ZNF366: variants seen among roughly 807,000 people sequenced by gnomAD.
ZNF366 encodes dendritic cell-specific transcript protein.
ZNF366 carries 20 observed loss-of-function variants against 47.2 expected under a neutral mutation model. The ratio of observed to expected loss-of-function variants is 0.42; its 90% CI spans 0.30 to 0.62. The LOEUF is 0.62. Among genes scored for constraint, ZNF366 ranks in the 20% least tolerant of loss-of-function variants. The pLI is 0.16. For synonymous variants in ZNF366, 421 were observed against 395.1 expected (o/e 1.07, Z -0.78); for missense variants, 987 against 976.3 (o/e 1.01, Z -0.15).
chr5:72,461,363 G>T lies in ZNF366; in HGVS notation c.134C>A (p.Pro45Gln), dbSNP rs748677968. Residue 45 changes from proline (P) to glutamine (Q), a missense_variant, in exon 2 of 5, where the codon CCG (proline) becomes CAG (glutamine). Physicochemically the swap from Pro to Gln is moderately conservative, Grantham distance 76. Transcript: ENST00000318442. ...RGKAPQRHPF[P>Q]EALRGPFSQF... ...GGAAAATGGCCCTCGGAGAGCTTCC[G>T]GGAAGGGGTGTCTTTGGGGAGCCTT... The T allele has an allele frequency of 6.2e-7, 1 of 1,614,010 alleles. No homozygotes were observed. Among genetic ancestry groups the T allele is most frequent in the Non-Finnish European group, 8.5e-7 (1 of 1,179,968 alleles).
Position 72,443,165 on chromosome 5 carries a change from G to A in ZNF366, c.*591C>T, listed in dbSNP as rs1266691603. ...AGAATCTAAGTATTCTAGGTCACCA[G>A]TTTCCCTTAGTCAAAATTATTCTTC... On this transcript the variant is annotated 3_prime_UTR_variant, in exon 5 of 5. Coordinates refer to ENST00000318442, the MANE Select transcript of ZNF366 (RefSeq NM_152625.3). The A allele has an allele frequency of 6.6e-6, 1 of 152,292 alleles. No individual in the cohort carries two copies. Among genetic ancestry groups the A allele is most frequent in the Non-Finnish European group, 1.5e-5 (1 of 68,124 alleles). The allele number at this position is 152,292 out of a possible 1,614,324, so 9.4% of individuals were successfully genotyped here.
intron 1 of ZNF366, among the ~76,000 whole-genome samples, chr5:72,496,246 G>A (rs955952524): frequency 6.6e-6 from 1 of 152,132 alleles, no homozygotes; most frequent in Non-Finnish European, 1.5e-5. Flanking sequence ...CATCACTCCA[G>A]TAAGTTCCAT....
chr5:72,484,233 C>CT (rs1743843297), intron 1 of ZNF366, among the ~76,000 whole-genome samples: 1 of 151,966 alleles, frequency 6.6e-6, no homozygotes, highest in African/African-American at 2.4e-5. Context: ...GCCTGTAATC[C>CT]CAGCACTTTG....
In ZNF366 at chr5:72,460,926, G is replaced by A. The variant is rs758393946; in HGVS notation, c.571C>T (p.Pro191Ser). Residue 191 changes from proline (P) to serine (S), a missense_variant, in exon 2 of 5, where the codon CCC (proline) becomes TCC (serine). Transcript: ENST00000318442. ...HPGLMFPFFV[P>S]SSSPFPFSRH... ...CTGAAGGGGAAGGGCGAGGACGAGG[G>A]CACGAAGAAGGGGAACATGAGGCCC... 1.2e-6 allele frequency: 2 copies of A among 1,611,788 alleles called. No homozygotes were observed. The highest frequency in any genetic ancestry group is 1.7e-5 in the Admixed American group (1 of 59,960).
chr5:72,477,135 C>A (rs975740956), intron 1 of ZNF366, among the ~76,000 whole-genome samples: 4 of 152,148 alleles, frequency 2.6e-5, no homozygotes, highest in African/African-American at 2.4e-5. Flanking sequence ...AAATTTCTAA[C>A]AACAAACAAC....
intron 1 of ZNF366, among the ~76,000 whole-genome samples, chr5:72,504,342 A>T (rs1017679564): frequency 6.6e-6 from 1 of 152,216 alleles, no homozygotes; most frequent in African/African-American, 2.4e-5. Flanking sequence ...CACCAATAAC[A>T]CAGAGCTCAA....
rs1040458586 is a variant in ZNF366, at chr5:72,473,391, C to T, written c.-14-11881G>A. ...GTATTCAGAGTTCTGTGGCTTGCAG[C>T]GAAACACAATCCTTATCTGATATAT... On this transcript the variant is annotated intron_variant, in intron 1 of 4. Coordinates refer to ENST00000318442, the MANE Select transcript of ZNF366 (RefSeq NM_152625.3). Among the ~76,000 whole-genome samples the T allele has an allele frequency of 3.3e-5, 5 of 152,244 alleles. No homozygotes were observed. In the East Asian group the frequency reaches 9.7e-4, roughly 29 times the overall value.
chr5:72,454,132 C>A (rs182717352), intron 3 of ZNF366, among the ~76,000 whole-genome samples: 4 of 152,334 alleles, frequency 2.6e-5, no homozygotes, highest in East Asian at 3.9e-4. Flanking sequence ...GTGGACCAGA[C>A]ATGGAGCCTC....
intron 1 of ZNF366, among the ~76,000 whole-genome samples, chr5:72,494,995 AT>A (rs1340761143): frequency 6.6e-6 from 1 of 151,948 alleles, no homozygotes; most frequent in Non-Finnish European, 1.5e-5. Context: ...TTGCCTTCAC[AT>A]TTTCAGGAGG....
In ZNF366 at chr5:72,460,910, A is replaced by G. The variant is rs1457318987; in HGVS notation, c.587T>C (p.Phe196Ser). 6.2e-7 allele frequency: 1 copy of G among 1,612,386 alleles called. No individual in the cohort carries two copies. The highest frequency in any genetic ancestry group is 1.7e-5 in the Admixed American group (1 of 59,958). The change falls in exon 2 of 5, where the codon TTC becomes TCC. Residue 196 changes from phenylalanine (F) to serine (S), a missense_variant. Phe to Ser is a radical substitution (Grantham distance 155). Coordinates refer to ENST00000318442, the MANE Select transcript of ZNF366 (RefSeq NM_152625.3). ...FPFFVPSSSP[F>S]PFSRHTFLPK... ...CAGGAAGGTGTGCCGGCTGAAGGGG[A>G]AGGGCGAGGACGAGGGCACGAAGAA...
intron 3 of ZNF366, among the ~76,000 whole-genome samples, chr5:72,452,065 G>A (rs1353614436): frequency 1.3e-5 from 2 of 152,196 alleles, no homozygotes; most frequent in African/African-American, 2.4e-5. Context: ...ACACCGCCTC[G>A]CCCCAGCCAG....
At chr5:72,471,204 C>T (rs993153630) in intron 1 of ZNF366, among the ~76,000 whole-genome samples, 2 of 152,150 alleles carry the variant, frequency 1.3e-5, no homozygotes, top group African/African-American at 4.8e-5. Context: ...GGTCTGTGAC[C>T]CCACTGTTCA....
At chr5:72,454,747 C>A (rs1743146204) in intron 3 of ZNF366, among the ~76,000 whole-genome samples, 1 of 152,190 alleles carries the variant, frequency 6.6e-6, no homozygotes, top group South Asian at 2.1e-4. Context: ...CTTGAACCTC[C>A]ATTGTAGGAG....
chr5:72,506,681 T>C (rs902381765), intron 1 of ZNF366, among the ~76,000 whole-genome samples: 2 of 152,152 alleles, frequency 1.3e-5, no homozygotes, highest in African/African-American at 4.8e-5. Context: ...CCTGAACACA[T>C]AAGCTCCCCA....
At chr5:72,507,184 A>G (rs1744335533) in intron 1 of ZNF366, 67 bp downstream of exon 1, 1 of 980,144 alleles carries the variant, frequency 1.0e-6, no homozygotes, top group Non-Finnish European at 1.2e-6. Context: ...TCTGTTGAAG[A>G]TGCCCACAGC....
intron 1 of ZNF366, 74 bp downstream of exon 1, chr5:72,507,177 G>C: frequency 3.1e-6 from 3 of 973,994 alleles, no homozygotes; most frequent in Non-Finnish European, 2.4e-6. Flanking sequence ...GGTATTTTCT[G>C]TTGAAGATGC....
rs1383524357 is a variant in ZNF366, at chr5:72,460,300, G to A, written c.1197C>T (p.Asp399=). Residue 399 remains aspartate (D), a synonymous_variant, in exon 2 of 5, where the codon GAC becomes GAT. Coordinates refer to ENST00000318442, the MANE Select transcript of ZNF366 (RefSeq NM_152625.3). ...GPIQYNCSEC[D]KTFQYPSQLQ... is the part of the protein sequence containing the mutation. ...GCTGGCTCGGGTACTGGAAGGTCTT[G>A]TCGCACTCGGAGCAGTTGTACTGGA... is the stretch of plus-strand genomic sequence containing the variant. The A allele has an allele frequency of 6.2e-7, 1 of 1,614,120 alleles. No individual in the cohort carries two copies. Among genetic ancestry groups the A allele is most frequent in the East Asian group, 2.2e-5 (1 of 44,896 alleles).
intron 1 of ZNF366, among the ~76,000 whole-genome samples, chr5:72,474,219 G>T (rs1275208154): frequency 6.6e-6 from 1 of 152,132 alleles, no homozygotes; most frequent in Non-Finnish European, 1.5e-5. Flanking sequence ...ATGAGATCAG[G>T]AGTTTCTGAC....
intron 1 of ZNF366, among the ~76,000 whole-genome samples, chr5:72,473,772 T>G (rs1182486660): frequency 6.6e-6 from 1 of 152,178 alleles, no homozygotes; most frequent in Non-Finnish European, 1.5e-5. Context: ...GCACTCTGAT[T>G]ATTTTGTGTT....
Sources: gnomAD v4.1 joint callset for allele counts (sites outside exome capture counted in the v4.1 genomes callset) on GRCh38, gnomAD v4.1.1 for gene constraint, MANE v1.5 for transcripts, NCBI Gene and HGNC (gene_info 2026-07-23, HGNC 2026-07-21) for gene names.